The following TBC1D22A variants were observed in gnomAD, a reference collection of about 807,000 sequenced individuals.
TBC1D22A encodes putative GTPase activator.
Under a neutral mutation model 60.2 loss-of-function variants are expected in TBC1D22A, and 38 were observed. The ratio of observed to expected loss-of-function variants is 0.63; its 90% CI spans 0.49 to 0.83. The LOEUF (loss-of-function observed/expected upper bound fraction) is 0.83. TBC1D22A is among the 40% of genes least tolerant of loss of function. The pLI is 0.00. For missense variants in TBC1D22A, 628 were observed against 701.0 expected (o/e 0.90, Z 1.18); for synonymous variants, 302 against 281.7 (o/e 1.07, Z -0.72).
intron 4 of TBC1D22A, among the ~76,000 whole-genome samples, chr22:46,828,427 A>T (rs1267257336): frequency 6.6e-6 from 1 of 152,190 alleles, no homozygotes; most frequent in Non-Finnish European, 1.5e-5. Flanking sequence ...CCACTGCGAG[A>T]TGTTTGTCAC....
At chr22:46,860,938 G>A (rs1158487590) in intron 4 of TBC1D22A, among the ~76,000 whole-genome samples, 1 of 152,178 alleles carries the variant, frequency 6.6e-6, no homozygotes, top group Non-Finnish European at 1.5e-5. Flanking sequence ...CTCATTCTGA[G>A]AAGCTCTTTT....
intron 8 of TBC1D22A, among the ~76,000 whole-genome samples, chr22:46,960,729 G>A (rs576205930): frequency 6.6e-5 from 10 of 152,156 alleles, no homozygotes; most frequent in African/African-American, 2.4e-4. Flanking sequence ...GGTGGATCAC[G>A]AGGTCAGGAG....
intron 8 of TBC1D22A, among the ~76,000 whole-genome samples, chr22:46,923,644 G>A (rs1490667442): frequency 1.3e-5 from 2 of 152,272 alleles, no homozygotes; most frequent in African/African-American, 4.8e-5. Flanking sequence ...TTACTGTCCT[G>A]TGTATGGCCA....
chr22:46,969,475 A>G (rs1204312085), intron 8 of TBC1D22A, among the ~76,000 whole-genome samples: 1 of 151,948 alleles, frequency 6.6e-6, no homozygotes, highest in Non-Finnish European at 1.5e-5. Context: ...CCTTAATACT[A>G]TAGCAGGGCA....
chr22:47,116,920 G>T (rs1247501259), intron 12 of TBC1D22A: 3 of 152,488 alleles, frequency 2.0e-5, no homozygotes, highest in Admixed American at 2.0e-4. Context: ...GCCAGGCCCT[G>T]TGCTGTCAGG....
chr22:47,101,339 A>G (rs2065408264), intron 11 of TBC1D22A, among the ~76,000 whole-genome samples: 1 of 152,162 alleles, frequency 6.6e-6, no homozygotes, highest in Non-Finnish European at 1.5e-5. Context: ...AGAAGCAGGG[A>G]CAGGCTTGGG....
intron 8 of TBC1D22A, chr22:46,916,183 G>A (rs2070356105): frequency 3.0e-6 from 1 of 337,874 alleles, no homozygotes; most frequent in Non-Finnish European, 5.8e-6. Flanking sequence ...CACAGGACCT[G>A]GTCTGAAGGC....
intron 12 of TBC1D22A, among the ~76,000 whole-genome samples, chr22:47,172,939 G>C (rs1471589131): frequency 6.6e-6 from 1 of 152,240 alleles, no homozygotes; most frequent in African/African-American, 2.4e-5. Context: ...GGCTTCATCT[G>C]CTGATGGTGC....
chr22:47,152,063 C>T (rs1601687774), intron 12 of TBC1D22A, among the ~76,000 whole-genome samples: 2 of 152,198 alleles, frequency 1.3e-5, no homozygotes, highest in Non-Finnish European at 2.9e-5. Context: ...CTGCCTGGAC[C>T]TCACCCACTC....
intron 1 of TBC1D22A, among the ~76,000 whole-genome samples, chr22:46,784,419 T>G (rs574104844): frequency 1.3e-5 from 2 of 152,250 alleles, no homozygotes; most frequent in South Asian, 4.1e-4. Context: ...GGTGGGTATG[T>G]TGCCACATAT....
chr22:47,073,532 A>G (rs2064086813), intron 11 of TBC1D22A, among the ~76,000 whole-genome samples: 2 of 152,106 alleles, frequency 1.3e-5, no homozygotes, highest in Admixed American at 6.5e-5. Flanking sequence ...AATATATACA[A>G]TGATTGTGTG....
chr22:47,015,696 G>C (rs1243741085), intron 10 of TBC1D22A, among the ~76,000 whole-genome samples: 1 of 152,220 alleles, frequency 6.6e-6, no homozygotes, highest in African/African-American at 2.4e-5. Context: ...CATCCAAGAG[G>C]CAGACCTGCA....
intron 4 of TBC1D22A, among the ~76,000 whole-genome samples, chr22:46,840,464 G>A (rs1419636291): frequency 6.6e-6 from 1 of 152,204 alleles, no homozygotes; most frequent in African/African-American, 2.4e-5. Context: ...AGGCTGGGTG[G>A]TGGCTCACGC....
Position 46,997,729 on chromosome 22 carries a change from AGCCCCTCTCTGTGG to A in TBC1D22A, c.1201+23_1201+36del. 6.2e-7 allele frequency: 1 copy of A among 1,612,978 alleles called. No homozygotes were observed. The highest frequency in any genetic ancestry group is 8.5e-7 in the Non-Finnish European group (1 of 1,179,366). ...TTGATGGTAAGCCAGCTTCCCGCGC[AGCCCCTCTCTGTGG>A]GCGGGGGGAGGTGGCCCTCAGCCCT... On this transcript the variant is annotated intron_variant, in intron 10 of 12. Coordinates refer to ENST00000337137, the MANE Select transcript of TBC1D22A (RefSeq NM_014346.5).
chr22:46,837,086 CT>C (rs1266834469), intron 4 of TBC1D22A, among the ~76,000 whole-genome samples: 1 of 152,000 alleles, frequency 6.6e-6, no homozygotes, highest in Non-Finnish European at 1.5e-5. Flanking sequence ...GATCACACCC[CT>C]GGGTTCCACC....
chr22:46,850,991 G>C (rs943683486), intron 4 of TBC1D22A, among the ~76,000 whole-genome samples: 4 of 152,202 alleles, frequency 2.6e-5, no homozygotes, highest in African/African-American at 4.8e-5. Context: ...GAGACGGAAA[G>C]TGGAATGGTA....
At chr22:47,081,175 G>C (rs1419387270) in intron 11 of TBC1D22A, among the ~76,000 whole-genome samples, 3 of 151,272 alleles carry the variant, frequency 2.0e-5, no homozygotes, top group Middle Eastern at 3.2e-3. Context: ...TTTGTTCTAG[G>C]CTTGCAAGGT....
chr22:46,808,199 A>G (rs185438719), intron 4 of TBC1D22A, among the ~76,000 whole-genome samples: 1 of 152,278 alleles, frequency 6.6e-6, no homozygotes, highest in East Asian at 1.9e-4. Context: ...CTTTACTAAA[A>G]ATACAAAAAT....
At chr22:46,852,972 C>T (rs898515054) in intron 4 of TBC1D22A, among the ~76,000 whole-genome samples, 1 of 152,220 alleles carries the variant, frequency 6.6e-6, no homozygotes, top group African/African-American at 2.4e-5. Context: ...GACTGGACGA[C>T]AGTCCATTGC....
Sources: gnomAD v4.1 joint callset for allele counts (sites outside exome capture counted in the v4.1 genomes callset) on GRCh38, gnomAD v4.1.1 for gene constraint, MANE v1.5 for transcripts, NCBI Gene and HGNC (gene_info 2026-07-23, HGNC 2026-07-21) for gene names.